FHIP1A: variants seen among roughly 807,000 people sequenced by gnomAD.
FHIP1A encodes the protein FHF complex subunit HOOK interacting protein 1A.
In FHIP1A, 61 loss-of-function variants were observed where a neutral mutation model predicts 88.6. The ratio of observed to expected loss-of-function variants is 0.69; its 90% confidence interval spans 0.56 to 0.85. FHIP1A has a LOEUF of 0.85. Ranked by LOEUF, FHIP1A falls within the 40% of genes least tolerant of loss-of-function variation. FHIP1A has a pLI of 0.00. For missense variants in FHIP1A, 1,154 were observed against 1,273.5 expected (o/e 0.91, Z 1.43); for synonymous variants, 478 against 496.0 (o/e 0.96, Z 0.48).
intron 5 of FHIP1A, among the ~76,000 whole-genome samples, chr4:151,584,156 G>A (rs2126801579): frequency 6.6e-6 from 1 of 151,976 alleles, no homozygotes; most frequent in South Asian, 2.1e-4. Flanking sequence ...TACTCCACTG[G>A]GGGCTCCTAT....
chr4:151,469,084 A>G (rs931165800), intron 2 of FHIP1A, among the ~76,000 whole-genome samples: 1 of 152,142 alleles, frequency 6.6e-6, no homozygotes, highest in Non-Finnish European at 1.5e-5. Context: ...AAAAGGCTCT[A>G]TTGCCTTTTA....
At chr4:151,574,468 T>C (rs1229311797) in intron 4 of FHIP1A, among the ~76,000 whole-genome samples, 3 of 152,172 alleles carry the variant, frequency 2.0e-5, no homozygotes, top group African/African-American at 7.2e-5. Context: ...TTTATGGTTA[T>C]GTAAATAGAC....
chr4:151,454,623 G>A (rs1013993810), intron 1 of FHIP1A, 78 bp from the exon 2 acceptor site: 7 of 151,694 alleles, frequency 4.6e-5, no homozygotes, highest in Non-Finnish European at 1.0e-4. Flanking sequence ...GAAATCCGAA[G>A]CAGAGATTAT....
chr4:151,604,506 T>G (rs1290366392), intron 7 of FHIP1A, among the ~76,000 whole-genome samples: 2 of 152,232 alleles, frequency 1.3e-5, no homozygotes, highest in Non-Finnish European at 1.5e-5. Flanking sequence ...TTTGCAGTTT[T>G]GGCATGAAAT....
At chr4:151,606,193 T>A (rs1298176770) in intron 7 of FHIP1A, among the ~76,000 whole-genome samples, 1 of 152,148 alleles carries the variant, frequency 6.6e-6, no homozygotes, top group Non-Finnish European at 1.5e-5. Context: ...GCGGGGGTTC[T>A]GGAGTAGGAG....
intron 7 of FHIP1A, among the ~76,000 whole-genome samples, chr4:151,597,854 C>T (rs1734709752): frequency 6.6e-6 from 1 of 152,152 alleles, no homozygotes; most frequent in African/African-American, 2.4e-5. Context: ...CTACTCAAGC[C>T]TCAGTAATGG....
At chr4:151,643,908 G>A (rs541022800) in intron 9 of FHIP1A, among the ~76,000 whole-genome samples, 4 of 152,238 alleles carry the variant, frequency 2.6e-5, no homozygotes, top group East Asian at 3.9e-4. Flanking sequence ...TTCCCAATAA[G>A]TCTTTATTCT....
chr4:151,628,936 G>A (rs530114463), intron 7 of FHIP1A, among the ~76,000 whole-genome samples: 1 of 152,140 alleles, frequency 6.6e-6, no homozygotes, highest in Admixed American at 6.5e-5. Flanking sequence ...GATACTTGAA[G>A]CATCAAATCC....
chr4:151,523,811 A>G (rs1229912253), intron 3 of FHIP1A, among the ~76,000 whole-genome samples: 5 of 152,208 alleles, frequency 3.3e-5, no homozygotes, highest in Non-Finnish European at 4.4e-5. Flanking sequence ...CCAATGATCT[A>G]TTAATACTAT....
chr4:151,617,656 T>TG (rs112462313), intron 7 of FHIP1A, among the ~76,000 whole-genome samples: 6 of 151,812 alleles, frequency 4.0e-5, no homozygotes, highest in African/African-American at 1.2e-4. Flanking sequence ...GAGGCTGAGG[T>TG]GGGGGGATCA....
At chr4:151,623,534 TTTTTTTTTC>T (rs200923223) in intron 7 of FHIP1A, among the ~76,000 whole-genome samples, 8,075 of 150,092 alleles carry the variant, frequency 0.054, 244 homozygotes, top group East Asian at 0.12. Context: ...TTTTTTTTTT[TTTTTTTTTC>T]GCCTCAATTT....
intron 3 of FHIP1A, among the ~76,000 whole-genome samples, chr4:151,545,464 G>A (rs1019237394): frequency 1.0e-4 from 14 of 134,804 alleles, no homozygotes; most frequent in African/African-American, 4.0e-4. Context: ...TGCAACCTCT[G>A]CCTCCCGGGT....
At chr4:151,626,888 T>G (rs1735972661) in intron 7 of FHIP1A, among the ~76,000 whole-genome samples, 1 of 152,216 alleles carries the variant, frequency 6.6e-6, no homozygotes, top group South Asian at 2.1e-4. Context: ...GCAGAGCATC[T>G]TTTCCCTGGT....
chr4:151,503,333 G>A, intron 3 of FHIP1A, among the ~76,000 whole-genome samples: 1 of 152,164 alleles, frequency 6.6e-6, no homozygotes, highest in East Asian at 1.9e-4. Flanking sequence ...GCGCCATCAT[G>A]GGCAGAACTA....
At position 151,656,246 on chromosome 4, in the gene FHIP1A, G is replaced by A. The variant is rs369125491; in HGVS notation, c.2566G>A (p.Val856Ile). The A allele has an allele frequency of 7.2e-5, 112 of 1,551,586 alleles. No individual in the cohort carries two copies. Among genetic ancestry groups the A allele is most frequent in the South Asian group, 6.8e-4 (57 of 84,048 alleles). ...STPFTGPFISVVLSKLENMLE... is the reference protein window; with the variant it reads ...STPFTGPFISIVLSKLENMLE... ...TCTTCCTGCAGGCCCATTCATCAGC[G>A]TAGTCCTGTCAAAGCTGGAGAACAT... Residue 856 changes from valine (V) to isoleucine (I), a missense_variant, in exon 12 of 14, where the codon GTA (valine) becomes ATA (isoleucine). By Grantham distance (29) the Val-to-Ile change is conservative. Transcript: ENST00000435205. The surrounding 1 kb of genome is among the most constrained non-coding windows in gnomAD (Gnocchi z 4.2).
chr4:151,411,345 A>ATTT (rs1266533808), intron 1 of FHIP1A, among the ~76,000 whole-genome samples: 2 of 121,676 alleles, frequency 1.6e-5, no homozygotes, highest in Non-Finnish European at 3.3e-5. Flanking sequence ...GAAATTATAT[A>ATTT]TATATTTTTT....
rs775809020 is a variant in FHIP1A at position 151,475,865 on chromosome 4, GAT to G, written c.-247-6658_-247-6657del. Among the ~76,000 whole-genome samples the G allele has an allele frequency of 1.8e-4, 26 of 147,574 alleles. 1 individual carries two copies. The highest frequency in any genetic ancestry group is 2.0e-4 in the Admixed American group (3 of 14,902). On this transcript the variant is annotated intron_variant, in intron 2 of 13. Coordinates refer to ENST00000435205, the MANE Select transcript of FHIP1A (RefSeq NM_001109977.3). Reference sequence around the variant, plus strand: ...TTGATAAAATTCAATCTCTATTATCGATTTTTTTTTTTTTTGAGACAGAGTCT... The same window carrying G: ...TTGATAAAATTCAATCTCTATTATCGTTTTTTTTTTTTTGAGACAGAGTCT...
intron 3 of FHIP1A, among the ~76,000 whole-genome samples, chr4:151,555,841 G>A (rs1214355310): frequency 6.6e-6 from 1 of 152,018 alleles, no homozygotes; most frequent in Non-Finnish European, 1.5e-5. Flanking sequence ...GAGTAATTAT[G>A]GTTTTGTGCA....
At chr4:151,455,698 C>T (rs1728943229) in intron 2 of FHIP1A, among the ~76,000 whole-genome samples, 1 of 152,140 alleles carries the variant, frequency 6.6e-6, no homozygotes, top group Non-Finnish European at 1.5e-5. Context: ...TCAGTGGGAC[C>T]ACATTTCAGT....
Sources: allele counts gnomAD v4.1 joint callset (sites outside exome capture counted in the v4.1 genomes callset), GRCh38; gene constraint gnomAD v4.1.1; non-coding constraint Gnocchi (gnomAD v3.1); transcripts MANE v1.5; gene names NCBI Gene and HGNC (gene_info 2026-07-23, HGNC 2026-07-21).